The following RNF138 variants were observed in gnomAD, a reference collection of about 807,000 sequenced individuals.
The protein encoded by RNF138 is E3 ubiquitin-protein ligase RNF138.
In RNF138, 12 loss-of-function variants were observed where a neutral mutation model predicts 31.0. The ratio of observed to expected loss-of-function variants is 0.39; its 90% CI spans 0.25 to 0.63. The LOEUF (loss-of-function observed/expected upper bound fraction) is 0.63, where lower values mean the gene tolerates loss of function less well. Among genes scored for constraint, RNF138 ranks in the 20% least tolerant of loss-of-function variants. The probability of loss-of-function intolerance (pLI) is 0.52; values close to 1 mark genes in which losing one functional copy is unlikely to be tolerated. For synonymous variants in RNF138, 105 were observed against 99.5 expected (o/e 1.06, Z -0.33); for missense variants, 192 against 300.1 (o/e 0.64, Z 2.66).
chr18:32,112,939 A>G (rs1598856358), intron 3 of RNF138, among the ~76,000 whole-genome samples: 1 of 152,352 alleles, frequency 6.6e-6, no homozygotes, highest in Admixed American at 6.5e-5. Context: ...CATTCACACA[A>G]GTCAGATCTG....
chr18:32,119,086 A>C (rs1203373504), intron 4 of RNF138, among the ~76,000 whole-genome samples: 1 of 152,192 alleles, frequency 6.6e-6, no homozygotes, highest in African/African-American at 2.4e-5. Context: ...AATGTGAGGT[A>C]GGAAAAATTT....
rs2040477998 is a variant in RNF138 at position 32,131,461 on chromosome 18, A to G, written c.*2274A>G. ...TCCAATACCTAAATTTCACAATACC[A>G]CTTAGGAAAGCTATTTCAACAAATT... On this transcript the variant is annotated 3_prime_UTR_variant, in exon 8 of 8. Coordinates refer to ENST00000261593, the MANE Select transcript of RNF138 (RefSeq NM_016271.5). 6.6e-6 allele frequency: 1 copy of G among 150,870 alleles called. No individual in the cohort carries two copies. The highest frequency in any genetic ancestry group is 2.5e-5 in the African/African-American group (1 of 40,186). The allele number at this position is 150,870 out of a possible 1,614,324, so 9.3% of individuals were successfully genotyped here. A position where few individuals can be genotyped will look rare whatever the true frequency, so the allele number is the denominator to read the frequency against.
At chr18:32,102,990 AT>A (rs1377927425) in intron 2 of RNF138, among the ~76,000 whole-genome samples, 1 of 151,996 alleles carries the variant, frequency 6.6e-6, no homozygotes, top group African/African-American at 2.4e-5. Flanking sequence ...GCTTTTCTAT[AT>A]TTTTATGCCT....
intron 4 of RNF138, among the ~76,000 whole-genome samples, chr18:32,118,824 C>T (rs754904719): frequency 4.0e-5 from 6 of 151,512 alleles, no homozygotes; most frequent in South Asian, 2.1e-4. Flanking sequence ...AGCGAGACTC[C>T]GTCTCAAAAA....
At chr18:32,092,663 C>G (rs956243611) in intron 1 of RNF138, 37 bp from the exon 2 acceptor site, 15 of 699,700 alleles carry the variant, frequency 2.1e-5, no homozygotes, top group Non-Finnish European at 3.6e-5. Context: ...GCGCTGTATC[C>G]TGATGCGATC....
At chr18:32,116,771 A>G (rs1419582381) in intron 4 of RNF138, among the ~76,000 whole-genome samples, 1 of 151,902 alleles carries the variant, frequency 6.6e-6, no homozygotes, top group African/African-American at 2.4e-5. Flanking sequence ...ACACATTGAG[A>G]TGGGGTCCTC....
chr18:32,092,859 C>A lies in RNF138; in HGVS notation c.83C>A (p.Pro28His). ...CPVCQEVLKT[P>H]VRTTACQHVF... ...GTCTGTCAGGAGGTGCTCAAAACGC[C>A]CGTGCGGACCACGGCCTGTCAGCAC... is the stretch of plus-strand genomic sequence containing the variant. The change falls in exon 2 of 8, where the codon CCC (proline) becomes CAC (histidine). Residue 28 changes from proline (P) to histidine (H), a missense_variant. Physicochemically the swap from Pro to His is moderately conservative, Grantham distance 77. Around this residue, in one of 2 missense-constraint regions of RNF138, gnomAD observed 52 missense variants for 48.4 expected, o/e 1.07. Transcript: ENST00000261593. 1 of 1,588,510 alleles carries A rather than the reference C, an allele frequency of 6.3e-7. No individual in the cohort carries two copies.
At chr18:32,107,116 C>CTTTTTTTTTTTTTT (rs58774714) in intron 2 of RNF138, among the ~76,000 whole-genome samples, 3 of 100,596 alleles carry the variant, frequency 3.0e-5, no homozygotes, top group African/African-American at 4.0e-5. Context: ...TCCTTTTTTC[C>CTTTTTTTTTTTTTT]TTTTTTTTTT....
At chr18:32,118,801 G>A (rs559934431) in intron 4 of RNF138, among the ~76,000 whole-genome samples, 1 of 152,228 alleles carries the variant, frequency 6.6e-6, no homozygotes, top group African/African-American at 2.4e-5. Context: ...TAACACTCCA[G>A]CCTGGGCGAC....
At chr18:32,098,628 G>A (rs1315659885) in intron 2 of RNF138, among the ~76,000 whole-genome samples, 1 of 151,984 alleles carries the variant, frequency 6.6e-6, no homozygotes, top group African/African-American at 2.4e-5. Flanking sequence ...CGAGGCAGGC[G>A]GATCACAAGG....
At chr18:32,109,455 T>A (rs192939920) in intron 2 of RNF138, 125 of 152,186 alleles carry the variant, frequency 8.2e-4, no homozygotes, top group African/African-American at 2.9e-3. Context: ...TACTATTTTT[T>A]TAGAGACAGG....
chr18:32,124,991 G>A (rs2040361879), intron 6 of RNF138, 146 bp downstream of exon 6: 1 of 570,444 alleles, frequency 1.8e-6, no homozygotes, highest in Non-Finnish European at 3.1e-6. Context: ...ACAAAGGATT[G>A]ATGACTGTGA....
intron 1 of RNF138, 21 bp from the exon 2 acceptor site, chr18:32,092,678 TC>T: frequency 4.3e-6 from 3 of 703,646 alleles, no homozygotes; most frequent in Non-Finnish European, 5.0e-6. Flanking sequence ...GCGATCCCCC[TC>T]CCCCCTCCGG....
intron 2 of RNF138, among the ~76,000 whole-genome samples, chr18:32,096,739 T>C (rs984454152): frequency 1.3e-5 from 2 of 152,158 alleles, no homozygotes; most frequent in African/African-American, 2.4e-5. Context: ...GTTTTTGTTT[T>C]TGTTTTTTTT....
chr18:32,114,383 A>G (rs957206356), intron 4 of RNF138, among the ~76,000 whole-genome samples: 1 of 152,194 alleles, frequency 6.6e-6, no homozygotes, highest in Non-Finnish European at 1.5e-5. Flanking sequence ...ATTCATGTAC[A>G]TTAAACATTT....
chr18:32,118,783 C>T (rs1171461106), intron 4 of RNF138, among the ~76,000 whole-genome samples: 3 of 151,906 alleles, frequency 2.0e-5, no homozygotes, highest in Non-Finnish European at 2.9e-5. Context: ...GAGTCGGGAT[C>T]GTGCCACTAA....
chr18:32,118,906 T>A (rs1014776675), intron 4 of RNF138, among the ~76,000 whole-genome samples: 6 of 152,248 alleles, frequency 3.9e-5, no homozygotes, highest in Non-Finnish European at 8.8e-5. Context: ...AGTCTTTGGC[T>A]GGTTTTGTAT....
Position 32,130,653 on chromosome 18 carries a change from CTTG to C in RNF138, c.*1470_*1472del, listed in dbSNP as rs1372291745. The C allele has an allele frequency of 6.6e-6, 1 of 152,370 alleles. No individual in the cohort carries two copies. The highest frequency in any genetic ancestry group is 1.5e-5 in the Non-Finnish European group (1 of 67,866). 9.4% of individuals were successfully genotyped at this position (152,370 alleles called of 1,614,324 possible). On this transcript the variant is annotated 3_prime_UTR_variant, in exon 8 of 8. Coordinates refer to ENST00000261593, the MANE Select transcript of RNF138 (RefSeq NM_016271.5). ...GGTATATTTTGGTTTTGTTAAAACCCTTGTTGACTTTTCTACACTGAACATTTT... is the reference window on the plus strand; with the variant it reads ...GGTATATTTTGGTTTTGTTAAAACCCTTGACTTTTCTACACTGAACATTTT...
chr18:32,128,067 G>A (rs1037464346), intron 7 of RNF138, among the ~76,000 whole-genome samples: 1 of 139,088 alleles, frequency 7.2e-6, no homozygotes, highest in Non-Finnish European at 1.5e-5. Flanking sequence ...GTGACAGTGC[G>A]AGACTCCGTC....
Sources: gnomAD v4.1 joint callset for allele counts (sites outside exome capture counted in the v4.1 genomes callset) on GRCh38, gnomAD v4.1.1 for gene constraint, gnomAD v4.1.1 regional missense constraint, MANE v1.5 for transcripts, NCBI Gene and HGNC (gene_info 2026-07-23, HGNC 2026-07-21) for gene names.